Variants in PDZRN3 observed in about 807,000 individuals in gnomAD.
PDZRN3 encodes E3 ubiquitin-protein ligase PDZRN3.
Under a neutral mutation model 85.7 loss-of-function variants are expected in PDZRN3, and 38 were observed. That is an observed-to-expected ratio of 0.44 (90% CI 0.34 to 0.58). PDZRN3 has a LOEUF of 0.58. Among genes scored for constraint, PDZRN3 ranks in the 20% least tolerant of loss-of-function variants. The probability of loss-of-function intolerance (pLI) is 0.01; values close to 1 mark genes in which losing one functional copy is unlikely to be tolerated. For synonymous variants in PDZRN3, 759 were observed against 638.0 expected, an observed-to-expected ratio of 1.19 and a Z score of -2.86; for missense variants, 1,629 against 1,506.4, an observed-to-expected ratio of 1.08 and a Z score of -1.35.
At chr3:73,576,230 G>A (rs1038951104) in intron 3 of PDZRN3, among the ~76,000 whole-genome samples, 5 of 152,122 alleles carry the variant, frequency 3.3e-5, no homozygotes, top group African/African-American at 9.7e-5. Context: ...GTTAAGGATG[G>A]GAGAATAAGG....
intron 3 of PDZRN3, among the ~76,000 whole-genome samples, chr3:73,514,080 G>C (rs2106713608): frequency 6.6e-6 from 1 of 152,310 alleles, no homozygotes; most frequent in East Asian, 1.9e-4. Context: ...AATTACCCTT[G>C]GTTGGGATAA....
intron 3 of PDZRN3, among the ~76,000 whole-genome samples, chr3:73,462,275 T>C (rs184436806): frequency 3.9e-5 from 6 of 151,924 alleles, no homozygotes; most frequent in African/African-American, 1.2e-4. Context: ...AAAGGTCACA[T>C]AGTTTGTGAA....
intron 3 of PDZRN3, among the ~76,000 whole-genome samples, chr3:73,580,967 T>C (rs1702193324): frequency 2.0e-5 from 3 of 152,242 alleles, no homozygotes; most frequent in South Asian, 2.1e-4. Flanking sequence ...GTTAACAACT[T>C]TGACATAACA....
intron 3 of PDZRN3, chr3:73,408,097 C>CAAAT (rs910498191): frequency 2.9e-6 from 2 of 698,274 alleles, no homozygotes; most frequent in African/African-American, 3.5e-5. Context: ...AGTTTTCAAT[C>CAAAT]AAATACAGTT....
rs530539724 is a variant in PDZRN3 at position 73,602,981 on chromosome 3, T to C, written c.811-520A>G. Among the ~76,000 whole-genome samples, 5 of 152,324 alleles carry C rather than the reference T, an allele frequency of 3.3e-5. No individual in the cohort carries two copies. In the South Asian group the frequency reaches 1.0e-3, roughly 32 times the overall value. Reference sequence around the variant, plus strand: ...TGATTAAACAATGCTGTGATAATACTCTCCTACTTGTATTTTAAATTATCT... The same window carrying C: ...TGATTAAACAATGCTGTGATAATACCCTCCTACTTGTATTTTAAATTATCT... On this transcript the variant is annotated intron_variant, in intron 2 of 9. Coordinates refer to ENST00000263666, the MANE Select transcript of PDZRN3 (RefSeq NM_015009.3).
chr3:73,557,500 T>G (rs1701725747), intron 3 of PDZRN3, among the ~76,000 whole-genome samples: 3 of 152,238 alleles, frequency 2.0e-5, no homozygotes, highest in African/African-American at 7.2e-5. Flanking sequence ...TATTCCCATT[T>G]TAAGTTAACA....
chr3:73,429,359 G>A (rs1340262787), intron 3 of PDZRN3, among the ~76,000 whole-genome samples: 1 of 152,200 alleles, frequency 6.6e-6, no homozygotes, highest in African/African-American at 2.4e-5. Context: ...CAAAACTGCT[G>A]TGTGGAGGTC....
intron 3 of PDZRN3, among the ~76,000 whole-genome samples, chr3:73,523,471 A>C (rs1460729263): frequency 3.9e-5 from 6 of 152,176 alleles, no homozygotes; most frequent in Non-Finnish European, 5.9e-5. Flanking sequence ...ATATATGTAC[A>C]CATTAATATA....
At chr3:73,456,880 G>A (rs6772712) in intron 3 of PDZRN3, among the ~76,000 whole-genome samples, 108,848 of 151,820 alleles carry the variant, frequency 0.72, 40,588 homozygotes, top group East Asian at 0.9. Flanking sequence ...TGATTTCTGT[G>A]CTACGAATTT....
At chr3:73,466,604 G>A (rs1703223381) in intron 3 of PDZRN3, among the ~76,000 whole-genome samples, 1 of 152,096 alleles carries the variant, frequency 6.6e-6, no homozygotes, top group East Asian at 1.9e-4. Flanking sequence ...CAATTAAGAG[G>A]AAATAAAAGA....
Position 73,624,435 on chromosome 3 carries a change from G to C in PDZRN3, c.391C>G (p.Arg131Gly). 7.5e-7 allele frequency: 1 copy of C among 1,329,904 alleles called. No homozygotes were observed. Among genetic ancestry groups the C allele is most frequent in the Non-Finnish European group, 9.6e-7 (1 of 1,046,674 alleles). The allele number at this position is 1,329,904 out of a possible 1,614,324, so 82.4% of individuals were successfully genotyped here. A position where few individuals can be genotyped will look rare whatever the true frequency, so the allele number is the denominator to read the frequency against. The change falls in exon 1 of 10, where the codon CGC (arginine) becomes GGC (glycine). Residue 131 changes from arginine (R) to glycine (G), a missense_variant. Coordinates refer to ENST00000263666, the MANE Select transcript of PDZRN3 (RefSeq NM_015009.3). ...LLRRDVEAHM[R>G]DACDARPVGR... is the part of the protein sequence containing the mutation. ...ACTGGCCGCGCGTCGCAGGCGTCGC[G>C]CATGTGCGCCTCCACGTCGCGCCGC...
chr3:73,459,560 A>C (rs988660440), intron 3 of PDZRN3, among the ~76,000 whole-genome samples: 1 of 151,986 alleles, frequency 6.6e-6, no homozygotes, highest in Non-Finnish European at 1.5e-5. Context: ...TGTGTCCATG[A>C]GTTCTCATCA....
intron 6 of PDZRN3, 141 bp from the exon 7 acceptor site, chr3:73,390,019 C>A: frequency 2.9e-6 from 2 of 691,656 alleles, no homozygotes; most frequent in South Asian, 1.6e-5. Flanking sequence ...GACTTAGTGT[C>A]GTGCAAGGAG....
chr3:73,487,388 G>A lies in PDZRN3; in HGVS notation c.919-82993C>T, dbSNP rs572553952. Among the ~76,000 whole-genome samples, 12 of 152,200 alleles carry A rather than the reference G, an allele frequency of 7.9e-5. No homozygotes were observed. In the South Asian group the frequency reaches 2.1e-3, roughly 26 times the overall value. On this transcript the variant is annotated intron_variant, in intron 3 of 9. Transcript: ENST00000263666. ...AATATAAGTACTTAAATAATAAAAC[G>A]GAGCAGAGGAACCTAGACAGTCATT... is the stretch of plus-strand genomic sequence containing the variant.
chr3:73,482,607 G>A (rs543811229), intron 3 of PDZRN3, among the ~76,000 whole-genome samples: 1 of 152,246 alleles, frequency 6.6e-6, no homozygotes, highest in South Asian at 2.1e-4. Context: ...GTACCCCAAA[G>A]GTGGCAATTC....
chr3:73,446,359 CA>C (rs1702748360), intron 3 of PDZRN3, among the ~76,000 whole-genome samples: 1 of 152,160 alleles, frequency 6.6e-6, no homozygotes, highest in African/African-American at 2.4e-5. Context: ...AGCTAATGAC[CA>C]ATCATACCGT....
At chr3:73,589,261 T>C (rs772339806) in intron 3 of PDZRN3, among the ~76,000 whole-genome samples, 1 of 152,172 alleles carries the variant, frequency 6.6e-6, no homozygotes, top group Non-Finnish European at 1.5e-5. Flanking sequence ...AGGAAGAACA[T>C]TGAATTTCTC....
chr3:73,536,287 T>A (rs970571088), intron 3 of PDZRN3, among the ~76,000 whole-genome samples: 3 of 152,222 alleles, frequency 2.0e-5, no homozygotes, highest in Admixed American at 2.0e-4. Flanking sequence ...ATTCCAGTGC[T>A]CCATTCCATA....
intron 3 of PDZRN3, among the ~76,000 whole-genome samples, chr3:73,501,666 A>G (rs13081823): frequency 0.26 from 39,803 of 152,154 alleles, 6,356 homozygotes; most frequent in Non-Finnish European, 0.37. Flanking sequence ...TTGGCTCTCT[A>G]GCTCCATATT....
Sources: allele counts gnomAD v4.1 joint callset (sites outside exome capture counted in the v4.1 genomes callset), GRCh38; gene constraint gnomAD v4.1.1; transcripts MANE v1.5; gene names NCBI Gene and HGNC (gene_info 2026-07-23, HGNC 2026-07-21).